KLHL7: variants seen among roughly 807,000 people sequenced by gnomAD.
KLHL7 encodes the protein kelch-like protein 7.
A neutral mutation model predicts 67.4 loss-of-function variants in KLHL7; 44 were observed. The ratio of observed to expected loss-of-function variants is 0.65; its 90% CI spans 0.51 to 0.84. KLHL7 has a LOEUF of 0.84. Ranked by LOEUF, KLHL7 falls within the 40% of genes least tolerant of loss-of-function variation. The pLI is 0.00. For missense variants in KLHL7, 362 were observed against 718.1 expected, an observed-to-expected ratio of 0.50 and a Z score of 5.67; for synonymous variants, 252 against 243.3, an observed-to-expected ratio of 1.04 and a Z score of -0.33.
chr7:23,108,406 G>C (rs1180531177), intron 1 of KLHL7, among the ~76,000 whole-genome samples: 2 of 152,136 alleles, frequency 1.3e-5, no homozygotes, highest in Non-Finnish European at 2.9e-5. Context: ...CTAGCCTTTT[G>C]TTTCTAAGTA....
At chr7:23,151,854 A>G (rs1174986279) in intron 6 of KLHL7, among the ~76,000 whole-genome samples, 1 of 139,284 alleles carries the variant, frequency 7.2e-6, no homozygotes. Flanking sequence ...GCAGTCTTAG[A>G]ATAATGGTGA....
rs761786330 is a variant in KLHL7 at position 23,143,932 on chromosome 7, AG to A, written c.702del (p.Arg234SerfsTer10). On this transcript the variant is annotated frameshift_variant, in exon 6 of 11. Transcript: ENST00000339077. LOFTEE classifies it high-confidence loss of function. Reference protein sequence around the residue: ...PFMVDILAKVRFPLISKNFLS... With the variant: ...PFMVDILAKVXFPLISKNFLS... ...TATGGTTGATATCCTTGCTAAAGTC[AG>A]GTTTCCTCTTATATCAAAGAATTTC... 6.2e-7 allele frequency: 1 copy of A among 1,614,118 alleles called. No individual in the cohort carries two copies. Among genetic ancestry groups the A allele is most frequent in the Non-Finnish European group, 8.5e-7 (1 of 1,179,956 alleles).
At chr7:23,129,211 A>T in intron 4 of KLHL7, 1 of 214,682 alleles carries the variant, frequency 4.7e-6, no homozygotes, top group Non-Finnish European at 9.2e-6. Flanking sequence ...TGCAGTGATC[A>T]TGGGGGCCCC....
At chr7:23,124,618 G>A in intron 2 of KLHL7, 70 bp from the exon 3 acceptor site, 1 of 903,510 alleles carries the variant, frequency 1.1e-6, no homozygotes, top group Non-Finnish European at 1.9e-6. Flanking sequence ...ACATGGCCTG[G>A]AATGCCGTGG....
chr7:23,153,488 C>G (rs1251097188), intron 7 of KLHL7, among the ~76,000 whole-genome samples: 2 of 152,152 alleles, frequency 1.3e-5, no homozygotes, highest in African/African-American at 4.8e-5. Flanking sequence ...TGAAGGCATG[C>G]TGTATTTGTG....
At chr7:23,113,788 T>C (rs1488688442) in intron 1 of KLHL7, among the ~76,000 whole-genome samples, 1 of 152,134 alleles carries the variant, frequency 6.6e-6, no homozygotes, top group Admixed American at 6.5e-5. Flanking sequence ...ATCGTGCCAT[T>C]GCACTCCAGC....
chr7:23,143,798 T>C (rs1421130407), intron 5 of KLHL7, 53 bp from the exon 6 acceptor site: 1 of 1,534,428 alleles, frequency 6.5e-7, no homozygotes, highest in African/African-American at 1.4e-5. Flanking sequence ...ACATAGGTAA[T>C]TGGAAATGTT....
At chr7:23,123,329 T>C (rs150834150) in intron 1 of KLHL7, among the ~76,000 whole-genome samples, 400 of 152,286 alleles carry the variant, frequency 2.6e-3, no homozygotes, top group Middle Eastern at 0.017. Flanking sequence ...CAGTGTATGT[T>C]CTCAATTTCA....
chr7:23,125,013 A>T, intron 3 of KLHL7, 35 bp from the exon 4 acceptor site: 1 of 1,583,070 alleles, frequency 6.3e-7, no homozygotes, highest in Non-Finnish European at 8.7e-7. Flanking sequence ...ATAAAAAATC[A>T]TGGGTAACTA....
intron 7 of KLHL7, among the ~76,000 whole-genome samples, chr7:23,156,358 C>T (rs1784706913): frequency 2.6e-5 from 4 of 152,194 alleles, no homozygotes; most frequent in African/African-American, 4.8e-5. Context: ...TGAGCTGCCT[C>T]TTCCCATCCT....
At chr7:23,156,960 A>G (rs1383887477) in intron 7 of KLHL7, among the ~76,000 whole-genome samples, 1 of 152,208 alleles carries the variant, frequency 6.6e-6, no homozygotes, top group Non-Finnish European at 1.5e-5. Flanking sequence ...AACTTGGGAC[A>G]CATTTTCCTG....
At chr7:23,109,850 CCTT>C (rs1765743774) in intron 1 of KLHL7, among the ~76,000 whole-genome samples, 1 of 152,170 alleles carries the variant, frequency 6.6e-6, no homozygotes, top group Non-Finnish European at 1.5e-5. Context: ...GTCATCCAGA[CCTT>C]CTTATTCTTT....
chr7:23,128,300 G>T (rs1255656029), intron 4 of KLHL7, among the ~76,000 whole-genome samples: 2 of 151,354 alleles, frequency 1.3e-5, no homozygotes, highest in Non-Finnish European at 2.9e-5. Flanking sequence ...TGCAAAGGAA[G>T]CCACTAGTGA....
chr7:23,146,904 C>G (rs1784376108), intron 6 of KLHL7, among the ~76,000 whole-genome samples: 1 of 151,962 alleles, frequency 6.6e-6, no homozygotes. Flanking sequence ...CAGTCAGTTT[C>G]TCTTCTACTT....
At chr7:23,120,601 C>T (rs1583650444) in intron 1 of KLHL7, among the ~76,000 whole-genome samples, 1 of 152,258 alleles carries the variant, frequency 6.6e-6, no homozygotes, top group African/African-American at 2.4e-5. Flanking sequence ...CAGGCTTGCT[C>T]TGTCACCCAG....
intron 6 of KLHL7, among the ~76,000 whole-genome samples, chr7:23,145,047 C>G (rs12700416): frequency 0.18 from 27,145 of 152,038 alleles, 3,127 homozygotes; most frequent in East Asian, 0.34. Flanking sequence ...ACAGTGAGCT[C>G]TGATCCTGCC....
At chr7:23,126,687 C>T (rs909147825) in intron 4 of KLHL7, among the ~76,000 whole-genome samples, 4 of 152,144 alleles carry the variant, frequency 2.6e-5, no homozygotes, top group Non-Finnish European at 4.4e-5. Flanking sequence ...TGCATACCCC[C>T]TCACTGTGAG....
intron 7 of KLHL7, among the ~76,000 whole-genome samples, chr7:23,153,655 C>G (rs1323441099): frequency 6.6e-6 from 1 of 152,168 alleles, no homozygotes; most frequent in Non-Finnish European, 1.5e-5. Context: ...TGGCCTTGCT[C>G]CAGAATTTGG....
intron 1 of KLHL7, among the ~76,000 whole-genome samples, chr7:23,115,765 G>T (rs1245579127): frequency 6.6e-6 from 1 of 152,014 alleles, no homozygotes; most frequent in East Asian, 1.9e-4. Flanking sequence ...GGATGTCCTC[G>T]ATCTCCTGAC....
Sources: gnomAD v4.1 joint callset for allele counts (sites outside exome capture counted in the v4.1 genomes callset) on GRCh38, gnomAD v4.1.1 for gene constraint, MANE v1.5 for transcripts, NCBI Gene and HGNC (gene_info 2026-07-23, HGNC 2026-07-21) for gene names.